Variants in MAJIN observed in about 807,000 individuals in gnomAD.
The protein encoded by MAJIN is membrane-anchored junction protein.
MAJIN carries 27 observed loss-of-function variants against 30.2 expected under a neutral mutation model. The observed-to-expected ratio is 0.89, with a 90% confidence interval of 0.66 to 1.23. The LOEUF is 1.23. MAJIN is among the 50% of genes most tolerant of loss of function. MAJIN has a pLI of 0.00. For missense variants in MAJIN, 253 were observed against 260.3 expected, an observed-to-expected ratio of 0.97 and a Z score of 0.19; for synonymous variants, 78 against 91.6, an observed-to-expected ratio of 0.85 and a Z score of 0.85.
chr11:64,939,626 G>T, intron 10 of MAJIN, 36 bp downstream of exon 10: 2 of 1,572,984 alleles, frequency 1.3e-6, no homozygotes, highest in South Asian at 1.1e-5. Context: ...CTCTGAGCTG[G>T]ATCTCGAGTC....
intron 9 of MAJIN, among the ~76,000 whole-genome samples, chr11:64,940,049 TGAA>T (rs1419834406): frequency 1.3e-5 from 2 of 152,218 alleles, no homozygotes; most frequent in Admixed American, 1.3e-4. Flanking sequence ...GACAAGTTGT[TGAA>T]GGACTCACTG....
chr11:64,944,816 A>C (rs1252928365), intron 8 of MAJIN, among the ~76,000 whole-genome samples: 34 of 152,168 alleles, frequency 2.2e-4, no homozygotes, highest in Admixed American at 2.2e-3. Flanking sequence ...AAAAGGAAGG[A>C]TCTTTAAGGC....
chr11:64,956,893 A>G (rs1444432425), intron 3 of MAJIN, among the ~76,000 whole-genome samples: 1 of 150,572 alleles, frequency 6.6e-6, no homozygotes, highest in African/African-American at 2.4e-5. Context: ...CAGCCTCCCA[A>G]GTAGCTGGGA....
intron 4 of MAJIN, 59 bp from the exon 5 acceptor site, chr11:64,950,489 T>A: frequency 6.9e-7 from 1 of 1,454,002 alleles, no homozygotes; most frequent in Non-Finnish European, 9.6e-7. Context: ...TCTTTGTTTA[T>A]ATTTGTCACT....
At chr11:64,969,740 G>C (rs553827113) in intron 1 of MAJIN, among the ~76,000 whole-genome samples, 1 of 151,994 alleles carries the variant, frequency 6.6e-6, no homozygotes, top group Admixed American at 6.6e-5. Flanking sequence ...GCCCAGGCTG[G>C]AGTGCAGTGG....
chr11:64,964,731 C>T (rs1294620079), intron 1 of MAJIN, among the ~76,000 whole-genome samples: 1 of 151,782 alleles, frequency 6.6e-6, no homozygotes, highest in African/African-American at 2.4e-5. Context: ...GTACTACAGG[C>T]ACCCACCACC....
At chr11:64,960,447 A>G (rs914826929) in intron 1 of MAJIN, among the ~76,000 whole-genome samples, 39 of 152,314 alleles carry the variant, frequency 2.6e-4, no homozygotes, top group African/African-American at 8.9e-4. Context: ...CAACAAGCCT[A>G]TAAGTCTAAA....
chr11:64,950,548 C>T (rs1945535976), intron 4 of MAJIN, 118 bp from the exon 5 acceptor site: 1 of 807,330 alleles, frequency 1.2e-6, no homozygotes, highest in Non-Finnish European at 2.0e-6. Context: ...TTTGCTGTTC[C>T]TTTAACACGT....
At chr11:64,939,837 A>C in intron 9 of MAJIN, 70 bp from the exon 10 acceptor site, 1 of 1,393,918 alleles carries the variant, frequency 7.2e-7, no homozygotes, top group Non-Finnish European at 1.0e-6. Flanking sequence ...GTAGAAGGCC[A>C]AACACCCAGT....
Position 64,938,429 on chromosome 11 carries a change from G to T in MAJIN, c.*146C>A, listed in dbSNP as rs1945319368. On this transcript the variant is annotated 3_prime_UTR_variant, in exon 11 of 11. Coordinates refer to ENST00000301896, the MANE Select transcript of MAJIN (RefSeq NM_001037225.3). The stretch of plus-strand genomic sequence containing the variant: ...CATGGGGACCTCATTCCCCACGACT[G>T]AAGTGTCATAAGAAAAGGATAGAGT... 4.4e-6 allele frequency: 6 copies of T among 1,362,998 alleles called. No homozygotes were observed. The Admixed American group carries it at 5.9e-5, about 13-fold the overall frequency. 84.4% of individuals were successfully genotyped at this position (1,362,998 alleles called of 1,614,324 possible).
chr11:64,950,050 C>A (rs1945525720), intron 5 of MAJIN, among the ~76,000 whole-genome samples, 182 bp from the exon 6 acceptor site: 1 of 152,150 alleles, frequency 6.6e-6, no homozygotes, highest in South Asian at 2.1e-4. Context: ...AAAGGATAGG[C>A]TGGGCGCAGT....
chr11:64,972,033 A>C lies in MAJIN; in HGVS notation c.-221T>G, dbSNP rs1322067680. 2 of 152,140 alleles carry C rather than the reference A, an allele frequency of 1.3e-5. No homozygotes were observed. The highest frequency in any genetic ancestry group is 2.9e-5 in the Non-Finnish European group (2 of 68,036). 9.4% of individuals were successfully genotyped at this position (152,140 alleles called of 1,614,324 possible). ...ACCTCGAACGAAGTCGTTTTGAGGGACTGGCTCGCCAGCTCCTAAGCAACT... is the reference window on the plus strand; with the variant it reads ...ACCTCGAACGAAGTCGTTTTGAGGGCCTGGCTCGCCAGCTCCTAAGCAACT... On this transcript the variant is annotated 5_prime_UTR_variant, in exon 1 of 11. Transcript: ENST00000301896.
chr11:64,953,615 A>AC (rs1237329198), intron 4 of MAJIN, among the ~76,000 whole-genome samples: 1 of 151,998 alleles, frequency 6.6e-6, no homozygotes, highest in African/African-American at 2.4e-5. Context: ...ACATGATGAA[A>AC]CCCCGTCTCT....
chr11:64,946,180 A>G lies in MAJIN; in HGVS notation c.473+1194T>C, dbSNP rs142282456. On this transcript the variant is annotated intron_variant, in intron 8 of 10. Transcript: ENST00000301896. ...TGAGGTGGGGGGAAAATATGCAGGA[A>G]ATGTTACTGGCAGAGGCAATATCAC... is the stretch of plus-strand genomic sequence containing the variant. The G allele has an allele frequency of 4.8e-3, 7,299 of 1,527,346 alleles. 40 individuals are homozygous for G. Among genetic ancestry groups the G allele is most frequent in the Non-Finnish European group, 5.3e-3 (6,046 of 1,141,122 alleles). The allele number at this position is 1,527,346 out of a possible 1,614,324, so 94.6% of individuals were successfully genotyped here. A position where few individuals can be genotyped will look rare whatever the true frequency, so the allele number is the denominator to read the frequency against.
At chr11:64,949,131 G>A (rs949929404) in intron 6 of MAJIN, among the ~76,000 whole-genome samples, 14 of 147,402 alleles carry the variant, frequency 9.5e-5, no homozygotes, top group Non-Finnish European at 1.6e-4. Flanking sequence ...GAGACCCAAC[G>A]GTGCAATATA....
At position 64,939,692 on chromosome 11, in the gene MAJIN, C is replaced by A; in HGVS notation, c.622G>T (p.Glu208Ter). Residue 208 changes from glutamate (E) to a stop codon, truncating the protein, a stop_gained, in exon 10 of 11, where the codon GAG becomes TAG. Transcript: ENST00000301896. LOFTEE classifies it high-confidence loss of function. ...CSTTHLHLRS[E>*]QPPASLGF is the part of the protein sequence containing the mutation. ...AAACCCAAAGAAGCCGGTGGCTGCT[C>A]GCTCCTTAGGTGGAGGTGAGTTGTG... 6.2e-7 allele frequency: 1 copy of A among 1,613,980 alleles called. No individual in the cohort carries two copies. Among genetic ancestry groups the A allele is most frequent in the South Asian group, 1.1e-5 (1 of 91,074 alleles).
At chr11:64,971,807 A>G (rs954762389) in intron 1 of MAJIN, 70 bp downstream of exon 1, 4 of 152,262 alleles carry the variant, frequency 2.6e-5, no homozygotes, top group Non-Finnish European at 4.4e-5. Flanking sequence ...CCGGCCCGGA[A>G]ACTTCCCTCA....
At chr11:64,947,858 CTTT>C (rs35160886) in intron 6 of MAJIN, 39 bp from the exon 7 acceptor site, 3,241 of 1,203,094 alleles carry the variant, frequency 2.7e-3, no homozygotes, top group Non-Finnish European at 2.9e-3. Context: ...AGATTTAAGA[CTTT>C]TTTTTTTTTT....
chr11:64,955,696 G>A (rs1285388258), intron 3 of MAJIN, among the ~76,000 whole-genome samples: 3 of 152,148 alleles, frequency 2.0e-5, no homozygotes, highest in African/African-American at 4.8e-5. Flanking sequence ...GAAAATTTCC[G>A]TCCACCATTT....
Sources: gnomAD v4.1 joint callset for allele counts (sites outside exome capture counted in the v4.1 genomes callset) on GRCh38, gnomAD v4.1.1 for gene constraint, MANE v1.5 for transcripts, NCBI Gene and HGNC (gene_info 2026-07-23, HGNC 2026-07-21) for gene names.